The following GLG1 variants were observed in gnomAD, a reference collection of about 807,000 sequenced individuals.
The protein encoded by GLG1 is Golgi apparatus protein 1.
A neutral mutation model predicts 160.5 loss-of-function variants in GLG1; 38 were observed. That is an observed-to-expected ratio of 0.24 (90% CI 0.18 to 0.31). The LOEUF (loss-of-function observed/expected upper bound fraction) is 0.31. Among genes scored for constraint, GLG1 ranks in the 10% least tolerant of loss-of-function variants. The pLI is 1.00. For missense variants in GLG1, 1,373 were observed against 1,505.2 expected, an observed-to-expected ratio of 0.91 and a Z score of 1.45; for synonymous variants, 644 against 543.4, an observed-to-expected ratio of 1.19 and a Z score of -2.57.
In GLG1 at chr16:74,448,623, A is replaced by C. The variant is rs2014161742; in HGVS notation, c.*4544T>G. On this transcript the variant is annotated 3_prime_UTR_variant, in exon 26 of 26. Transcript: ENST00000422840. Reference sequence around the variant, plus strand: ...AAAAATTATCCAGGCATGGTGGTGCATGCCCGTAATCCCAACTACTTGGGA... The same window carrying C: ...AAAAATTATCCAGGCATGGTGGTGCCTGCCCGTAATCCCAACTACTTGGGA... The C allele has an allele frequency of 6.6e-6, 1 of 152,112 alleles. No individual in the cohort carries two copies. Among genetic ancestry groups the C allele is most frequent in the African/African-American group, 2.4e-5 (1 of 41,426 alleles). 9.4% of individuals were successfully genotyped at this position (152,112 alleles called of 1,614,324 possible).
intron 2 of GLG1, among the ~76,000 whole-genome samples, chr16:74,521,091 T>C (rs1775484448): frequency 6.6e-6 from 1 of 152,184 alleles, no homozygotes; most frequent in African/African-American, 2.4e-5. Flanking sequence ...AAGATGAATG[T>C]TCCATGTGGA....
intron 12 of GLG1, 73 bp from the exon 13 acceptor site, chr16:74,474,705 T>C (rs113252046): frequency 1.3e-6 from 1 of 788,852 alleles, no homozygotes; most frequent in South Asian, 1.3e-5. Flanking sequence ...GATATCAGCG[T>C]CATGACACTT....
chr16:74,491,077 T>C lies in GLG1; in HGVS notation c.1373A>G (p.Lys458Arg). Residue 458 changes from lysine (K) to arginine (R), a missense_variant, in exon 8 of 26, where the codon AAA (lysine) becomes AGA (arginine). Physicochemically the swap from Lys to Arg is conservative, Grantham distance 26 (BLOSUM62 2). Transcript: ENST00000422840. ...CATCAGACAGTGTAGGGTCCGCCCT[T>C]TTCGATGTAATCCGGAACAATGGTG... The part of the protein sequence containing the change: ...IEHHCSGLHR[K>R]GRTLHCLMKV... 6.2e-7 allele frequency: 1 copy of C among 1,614,190 alleles called. No individual in the cohort carries two copies. The highest frequency in any genetic ancestry group is 8.5e-7 in the Non-Finnish European group (1 of 1,180,024).
At chr16:74,566,562 G>T (rs1335775673) in intron 1 of GLG1, among the ~76,000 whole-genome samples, 1 of 152,082 alleles carries the variant, frequency 6.6e-6, no homozygotes, top group Non-Finnish European at 1.5e-5. Context: ...CTTCTGTCAT[G>T]ACTTTAATCC....
At chr16:74,503,492 T>G in intron 4 of GLG1, 39 bp downstream of exon 4, 1 of 1,355,830 alleles carries the variant, frequency 7.4e-7, no homozygotes, top group Non-Finnish European at 1.1e-6. Context: ...ACACCAAATT[T>G]TAAGACCCCT....
intron 1 of GLG1, among the ~76,000 whole-genome samples, chr16:74,563,631 G>A (rs2018568277): frequency 6.6e-6 from 1 of 151,758 alleles, no homozygotes; most frequent in Non-Finnish European, 1.5e-5. Flanking sequence ...CGAGGCTGAG[G>A]TGGGAGAACT....
chr16:74,523,936 C>A (rs948420712), intron 2 of GLG1, among the ~76,000 whole-genome samples: 6 of 152,132 alleles, frequency 3.9e-5, no homozygotes, highest in East Asian at 3.9e-4. Flanking sequence ...ATAGGCCAGG[C>A]GCGGTGGCTC....
chr16:74,462,220 A>G, intron 21 of GLG1, 25 bp from the exon 22 acceptor site: 2 of 1,234,982 alleles, frequency 1.6e-6, no homozygotes, highest in Non-Finnish European at 2.4e-6. Context: ...GGGAGGATAC[A>G]TGGGCTGATC....
chr16:74,514,059 T>G (rs2016899891), intron 2 of GLG1, among the ~76,000 whole-genome samples: 1 of 151,932 alleles, frequency 6.6e-6, no homozygotes, highest in Non-Finnish European at 1.5e-5. Context: ...ATCAAATGAA[T>G]GAAATAAAGC....
At chr16:74,594,130 C>A (rs1346654584) in intron 1 of GLG1, among the ~76,000 whole-genome samples, 1 of 152,102 alleles carries the variant, frequency 6.6e-6, no homozygotes, top group East Asian at 1.9e-4. Flanking sequence ...TGGTCTCGAA[C>A]CCCTGACCTC....
intron 1 of GLG1, among the ~76,000 whole-genome samples, chr16:74,601,426 A>G (rs1958437566): frequency 6.6e-6 from 1 of 151,490 alleles, no homozygotes; most frequent in Non-Finnish European, 1.5e-5. Flanking sequence ...TTAAAATTAA[A>G]AAAAAAAAAA....
At position 74,560,467 on chromosome 16, in the gene GLG1, G is replaced by A. The variant is rs2018481341; in HGVS notation, c.439-28314C>T. Among the ~76,000 whole-genome samples the A allele has an allele frequency of 2.1e-5, 3 of 141,946 alleles. No individual in the cohort carries two copies. The South Asian group carries it at 6.7e-4, about 32-fold the overall frequency. 93.1% of individuals were successfully genotyped at this position (141,946 alleles called of 152,430 possible). A position where few individuals can be genotyped will look rare whatever the true frequency, so the allele number is the denominator to read the frequency against. ...CTCAGCCTCCCCCCGCCGCCCCCCT[G>A]CCCCCGCAGTAACTAGTAACTTGAC... is the stretch of plus-strand genomic sequence containing the variant. On this transcript the variant is annotated intron_variant, in intron 1 of 25. Coordinates refer to ENST00000422840, the MANE Select transcript of GLG1 (RefSeq NM_001145667.2).
rs557115728 is a variant in GLG1 at position 74,553,219 on chromosome 16, CAA to C, written c.439-21068_439-21067del. Reference sequence around the variant, plus strand: ...TGGGCAACAAGAGCAAACTCTGTCTCAAAAAAAAAAAAAAAAATTTTTTTTAA... The same window carrying C: ...TGGGCAACAAGAGCAAACTCTGTCTCAAAAAAAAAAAAAAATTTTTTTTAA... On this transcript the variant is annotated intron_variant, in intron 1 of 25. Coordinates refer to ENST00000422840, the MANE Select transcript of GLG1 (RefSeq NM_001145667.2). 9.7e-4 allele frequency among the ~76,000 whole-genome samples: 120 copies of C among 124,090 alleles called. 1 individual carries two copies. Among genetic ancestry groups the C allele is most frequent in the Admixed American group, 3.3e-3 (39 of 11,808 alleles). 81.4% of individuals were successfully genotyped at this position (124,090 alleles called of 152,430 possible). A position where few individuals can be genotyped will look rare whatever the true frequency, so the allele number is the denominator to read the frequency against.
chr16:74,485,941 G>A, intron 8 of GLG1, 24 bp from the exon 9 acceptor site: 2 of 1,602,586 alleles, frequency 1.2e-6, no homozygotes, highest in Non-Finnish European at 1.7e-6. Context: ...AATTAAGAAG[G>A]AAGAAAGAAA....
chr16:74,593,386 CA>C (rs2055074006), intron 1 of GLG1, among the ~76,000 whole-genome samples: 1 of 149,610 alleles, frequency 6.7e-6, no homozygotes, highest in Admixed American at 6.7e-5. Context: ...ACTTGCAGGG[CA>C]GTCTTTATAG....
intron 4 of GLG1, among the ~76,000 whole-genome samples, chr16:74,500,626 T>C (rs2016371908): frequency 1.3e-5 from 2 of 152,240 alleles, no homozygotes; most frequent in African/African-American, 2.4e-5. Context: ...AAAGGAATAT[T>C]AGAATTACTC....
chr16:74,474,752 A>G, intron 12 of GLG1, 120 bp from the exon 13 acceptor site: 1 of 715,878 alleles, frequency 1.4e-6, no homozygotes, highest in Non-Finnish European at 2.6e-6. Flanking sequence ...TCTTTTTAAA[A>G]TTACCTCACT....
In GLG1 at chr16:74,467,868, T is replaced by C. The variant is rs748952679; in HGVS notation, c.2437-20A>G. On this transcript the variant is annotated intron_variant, in intron 17 of 25. Transcript: ENST00000422840. ...CTCCGTCTGCATGAGGGAGCCAGCATGGAAAGGTGAGCTTGGTTTAGGCTG... is the reference window on the plus strand; with the variant it reads ...CTCCGTCTGCATGAGGGAGCCAGCACGGAAAGGTGAGCTTGGTTTAGGCTG... The C allele has an allele frequency of 3.4e-5, 52 of 1,544,416 alleles. No individual in the cohort carries two copies. The highest frequency in any genetic ancestry group is 4.4e-5 in the Non-Finnish European group (49 of 1,119,916).
chr16:74,584,246 G>C (rs970761606), intron 1 of GLG1, among the ~76,000 whole-genome samples: 1 of 152,148 alleles, frequency 6.6e-6, no homozygotes, highest in Non-Finnish European at 1.5e-5. Flanking sequence ...AGTAATGCCA[G>C]CTGCTCAGGA....
Sources: gnomAD v4.1 joint callset for allele counts (sites outside exome capture counted in the v4.1 genomes callset) on GRCh38, gnomAD v4.1.1 for gene constraint, MANE v1.5 for transcripts, NCBI Gene and HGNC (gene_info 2026-07-23, HGNC 2026-07-21) for gene names.